The following MEGF9 variants were observed in gnomAD, a reference collection of about 807,000 sequenced individuals.
MEGF9 encodes multiple epidermal growth factor-like domains protein 9.
A neutral mutation model predicts 46.8 loss-of-function variants in MEGF9; 6 were observed. That is an observed-to-expected ratio of 0.13 (90% CI 0.07 to 0.25). The LOEUF (loss-of-function observed/expected upper bound fraction) is 0.25. MEGF9 is among the 10% of genes least tolerant of loss of function. The pLI, the probability that MEGF9 is intolerant of heterozygous loss-of-function variation, is 1.00. For missense variants in MEGF9, 683 were observed against 792.4 expected, an observed-to-expected ratio of 0.86 and a Z score of 1.66; for synonymous variants, 302 against 330.7, an observed-to-expected ratio of 0.91 and a Z score of 0.94.
At chr9:120,649,858 G>A (rs534823293) in intron 2 of MEGF9, among the ~76,000 whole-genome samples, 1 of 152,288 alleles carries the variant, frequency 6.6e-6, no homozygotes, top group Non-Finnish European at 1.5e-5. Flanking sequence ...GACTTACTGT[G>A]TAGCAGCAAC....
At position 120,684,043 on chromosome 9, in the gene MEGF9, GA is replaced by G. The variant is rs373712881; in HGVS notation, c.602-24469del. On this transcript the variant is annotated intron_variant, in intron 1 of 5. Coordinates refer to ENST00000373930, the MANE Select transcript of MEGF9 (RefSeq NM_001080497.3). ...ATAGAGGGTATAAAATAAGAAAATA[GA>G]GGCACAGAGAAATTAATTTTCCCAA... 5.5e-3 allele frequency among the ~76,000 whole-genome samples: 835 copies of G among 152,222 alleles called. 9 individuals are homozygous for G. Among genetic ancestry groups the G allele is most frequent in the African/African-American group, 0.019 (787 of 41,532 alleles).
chr9:120,644,025 C>G (rs1336530741), intron 2 of MEGF9, among the ~76,000 whole-genome samples: 3 of 152,172 alleles, frequency 2.0e-5, no homozygotes, highest in Non-Finnish European at 4.4e-5. Context: ...GCCTGTTTAA[C>G]TTCGTATGTA....
rs756520203 is a variant in MEGF9 at position 120,659,526 on chromosome 9, G to C, written c.651C>G (p.Cys217Trp). Residue 217 changes from cysteine (C) to tryptophan (W), a missense_variant, in exon 2 of 6, where the codon TGC (cysteine) becomes TGG (tryptophan). This residue lies in a region of MEGF9 where 370 missense variants were observed against 371.3 expected (regional missense o/e 1.00). Coordinates refer to ENST00000373930, the MANE Select transcript of MEGF9 (RefSeq NM_001080497.3). ...SVVGSLNVNR[C>W]NQTTGQCECR... ...ACTCACACTGCCCTGTGGTCTGGTT[G>C]CAGCGATTCACATTCAGGCTTCCAA... The C allele has an allele frequency of 2.5e-6, 4 of 1,613,546 alleles. No individual in the cohort carries two copies. The South Asian group carries it at 4.4e-5, about 18-fold the overall frequency.
rs2043414209 is a variant in MEGF9, at chr9:120,605,037, G to A, written c.*153C>T. The A allele has an allele frequency of 2.9e-6, 2 of 689,726 alleles. No individual in the cohort carries two copies. Among genetic ancestry groups the A allele is most frequent in the Non-Finnish European group, 4.8e-6 (2 of 417,376 alleles). 42.7% of individuals were successfully genotyped at this position (689,726 alleles called of 1,614,324 possible). A position where few individuals can be genotyped will look rare whatever the true frequency, so the allele number is the denominator to read the frequency against. ...ATGGGAAAACTAAGAGCAATAGATA[G>A]GCTAAGCGCATTACAAATTTGTACC... On this transcript the variant is annotated 3_prime_UTR_variant, in exon 6 of 6. Coordinates refer to ENST00000373930, the MANE Select transcript of MEGF9 (RefSeq NM_001080497.3). This position sits in a 1 kb window ranked among gnomAD's most constrained non-coding sequence, Gnocchi z 4.0.
At chr9:120,680,549 AC>A (rs1361556224) in intron 1 of MEGF9, among the ~76,000 whole-genome samples, 9 of 151,956 alleles carry the variant, frequency 5.9e-5, no homozygotes, top group African/African-American at 1.9e-4. Context: ...TGTGGCCACC[AC>A]CACTGGGACT....
At chr9:120,693,718 TC>T (rs1378614307) in intron 1 of MEGF9, among the ~76,000 whole-genome samples, 1 of 152,218 alleles carries the variant, frequency 6.6e-6, no homozygotes, top group Admixed American at 6.5e-5. Context: ...TTGTAGCAAC[TC>T]AATACCATTA....
At chr9:120,670,172 C>G (rs1243101210) in intron 1 of MEGF9, among the ~76,000 whole-genome samples, 4 of 152,230 alleles carry the variant, frequency 2.6e-5, no homozygotes, top group Admixed American at 2.6e-4. Flanking sequence ...TCCCAGCTCA[C>G]TGCAACCTCC....
At chr9:120,706,847 CAG>C (rs2043931459) in intron 1 of MEGF9, among the ~76,000 whole-genome samples, 1 of 151,950 alleles carries the variant, frequency 6.6e-6, no homozygotes. Flanking sequence ...AAGAAAAAAA[CAG>C]AAAGAAGAAA....
At chr9:120,705,798 T>A (rs934700236) in intron 1 of MEGF9, among the ~76,000 whole-genome samples, 3 of 152,020 alleles carry the variant, frequency 2.0e-5, no homozygotes, top group Non-Finnish European at 4.4e-5. Context: ...GTCAGGGTAG[T>A]CATTTCTAGT....
chr9:120,629,171 G>A, intron 2 of MEGF9, among the ~76,000 whole-genome samples: 1 of 152,190 alleles, frequency 6.6e-6, no homozygotes, highest in South Asian at 2.1e-4. Flanking sequence ...GTAGAGACAG[G>A]TTCACATTAT....
At position 120,714,423 on chromosome 9, in the gene MEGF9, C is replaced by T; in HGVS notation, c.-65G>A. 1.7e-6 allele frequency: 2 copies of T among 1,210,826 alleles called. No homozygotes were observed. Among genetic ancestry groups the T allele is most frequent in the Middle Eastern group, 2.1e-4 (1 of 4,702 alleles). The allele number at this position is 1,210,826 out of a possible 1,614,324, so 75.0% of individuals were successfully genotyped here. ...TGCAATCCGACCAAGGAAGCCTCCG[C>T]AACCGCCGCCGCCACCGCCACCGGG... is the stretch of plus-strand genomic sequence containing the variant. On this transcript the variant is annotated 5_prime_UTR_variant, in exon 1 of 6. Transcript: ENST00000373930.
chr9:120,628,199 G>A (rs2043534246), intron 2 of MEGF9, among the ~76,000 whole-genome samples: 3 of 152,088 alleles, frequency 2.0e-5, no homozygotes, highest in African/African-American at 7.2e-5. Context: ...TTTTGTAGAG[G>A]TAAGAAAATA....
In MEGF9 at chr9:120,605,490, T is replaced by C. The variant is rs762459655; in HGVS notation, c.1509A>G (p.Ser503=). Residue 503 remains serine (S), a synonymous_variant, in exon 6 of 6, where the codon TCA becomes TCG. Transcript: ENST00000373930. This position sits in a 1 kb window ranked among gnomAD's most constrained non-coding sequence, Gnocchi z 4.0. ...GGGTCCATGATACATCAGCTAAAGC[T>C]GAAGTGCTGTTTTCAGAAGTGCTTA... is the stretch of plus-strand genomic sequence containing the variant. ...FSVSTSENST[S]ALADVSWTQF... 7.4e-6 allele frequency: 12 copies of C among 1,614,000 alleles called. No homozygotes were observed. Among genetic ancestry groups the C allele is most frequent in the East Asian group, 4.5e-5 (2 of 44,888 alleles).
At chr9:120,685,576 T>C (rs899766225) in intron 1 of MEGF9, among the ~76,000 whole-genome samples, 1 of 152,252 alleles carries the variant, frequency 6.6e-6, no homozygotes, top group Non-Finnish European at 1.5e-5. Context: ...ATTTCATACA[T>C]CCCATTCACT....
chr9:120,689,704 T>A (rs1344642952), intron 1 of MEGF9, among the ~76,000 whole-genome samples: 1 of 152,142 alleles, frequency 6.6e-6, no homozygotes, highest in Non-Finnish European at 1.5e-5. Context: ...AAATGAATCA[T>A]GTGTGCCAAT....
At position 120,714,173 on chromosome 9, in the gene MEGF9, C is replaced by T; in HGVS notation, c.186G>A (p.Glu62=). Residue 62 remains glutamate, a synonymous_variant, in exon 1 of 6, where the codon GAG becomes GAA. Coordinates refer to ENST00000373930, the MANE Select transcript of MEGF9 (RefSeq NM_001080497.3). ...DASPGPGLRG[E]PSHPFPRATA... is the part of the protein sequence containing the mutation. ...TCGCCCTAGGGAAGGGGTGGCTGGGCTCGCCCCGCAACCCGGGGCCCGGCG... is the reference window on the plus strand; with the variant it reads ...TCGCCCTAGGGAAGGGGTGGCTGGGTTCGCCCCGCAACCCGGGGCCCGGCG... 7 of 1,235,652 alleles carry T rather than the reference C, an allele frequency of 5.7e-6. No homozygotes were observed. The highest frequency in any genetic ancestry group is 3.2e-5 in the East Asian group (1 of 31,740). 76.5% of individuals were successfully genotyped at this position (1,235,652 alleles called of 1,614,324 possible).
chr9:120,705,349 G>A (rs763138759), intron 1 of MEGF9, among the ~76,000 whole-genome samples: 2 of 151,772 alleles, frequency 1.3e-5, no homozygotes, highest in Non-Finnish European at 2.9e-5. Flanking sequence ...CTAGAAAGAC[G>A]TCTTGGAAGA....
intron 1 of MEGF9, among the ~76,000 whole-genome samples, chr9:120,685,659 C>T (rs781648051): frequency 6.6e-6 from 1 of 152,204 alleles, no homozygotes; most frequent in Non-Finnish European, 1.5e-5. Flanking sequence ...CTATGAAAAA[C>T]AGTATCGCAG....
At chr9:120,611,865 A>AAGAGAGAGAGAG (rs3983894) in intron 4 of MEGF9, among the ~76,000 whole-genome samples, 12 of 137,152 alleles carry the variant, frequency 8.7e-5, no homozygotes, top group Non-Finnish European at 1.8e-4. Flanking sequence ...GGAAGGAAGA[A>AAGAGAGAGAGAG]AGAGAGAGAG....
Sources: allele counts gnomAD v4.1 joint callset (sites outside exome capture counted in the v4.1 genomes callset), GRCh38; gene constraint gnomAD v4.1.1; regional missense constraint gnomAD v4.1.1; non-coding constraint Gnocchi (gnomAD v3.1); transcripts MANE v1.5; gene names NCBI Gene and HGNC (gene_info 2026-07-23, HGNC 2026-07-21).